FHIT: variants seen among roughly 807,000 people sequenced by gnomAD.
The protein encoded by FHIT is fragile histidine triad diadenosine triphosphatase, also known as bis(5'-adenosyl)-triphosphatase.
FHIT carries 19 observed loss-of-function variants against 17.9 expected under a neutral mutation model. The ratio of observed to expected loss-of-function variants is 1.06; its 90% CI spans 0.74 to 1.56. The LOEUF (loss-of-function observed/expected upper bound fraction) is 1.56. Among genes scored for constraint, FHIT ranks in the 40% most tolerant of loss-of-function variants. The pLI is 0.00. For synonymous variants in FHIT, 81 were observed against 69.7 expected, an observed-to-expected ratio of 1.16 and a Z score of -0.81; for missense variants, 248 against 189.2, an observed-to-expected ratio of 1.31 and a Z score of -1.82.
intron 4 of FHIT, among the ~76,000 whole-genome samples, chr3:60,576,017 T>C (rs1444110255): frequency 6.6e-6 from 1 of 152,036 alleles, no homozygotes; most frequent in Non-Finnish European, 1.5e-5. Context: ...GGAATGAGTA[T>C]ACTCACCTCC....
intron 5 of FHIT, among the ~76,000 whole-genome samples, chr3:60,174,750 C>G (rs946609489): frequency 5.3e-5 from 8 of 151,794 alleles, no homozygotes; most frequent in Non-Finnish European, 7.4e-5. Flanking sequence ...ACAATTATGT[C>G]TATCTAGTTC....
chr3:61,042,509 C>G (rs1368322004), intron 2 of FHIT, among the ~76,000 whole-genome samples: 1 of 152,074 alleles, frequency 6.6e-6, no homozygotes, highest in Non-Finnish European at 1.5e-5. Context: ...CACATATTCT[C>G]TCTAGTTCTG....
chr3:60,107,100 G>C (rs1183786027), intron 5 of FHIT, among the ~76,000 whole-genome samples: 2 of 149,532 alleles, frequency 1.3e-5, no homozygotes, highest in Admixed American at 6.7e-5. Flanking sequence ...TATTTTCCTA[G>C]GAAAAGGCTC....
intron 1 of FHIT, among the ~76,000 whole-genome samples, chr3:61,243,391 T>C (rs992211529): frequency 5.9e-5 from 9 of 152,216 alleles, no homozygotes; most frequent in African/African-American, 2.2e-4. Context: ...GGATTGTTTT[T>C]CTTTTTTCCT....
intron 5 of FHIT, among the ~76,000 whole-genome samples, chr3:60,110,364 C>T (rs1257930092): frequency 6.6e-6 from 1 of 152,072 alleles, no homozygotes; most frequent in Non-Finnish European, 1.5e-5. Context: ...CAAAGATGAA[C>T]TAAGTAATCA....
chr3:60,351,194 C>A (rs758271556), intron 5 of FHIT, among the ~76,000 whole-genome samples: 15 of 152,204 alleles, frequency 9.9e-5, no homozygotes, highest in African/African-American at 3.6e-4. Flanking sequence ...TATATAGCGA[C>A]AGCAAACTAA....
intron 8 of FHIT, among the ~76,000 whole-genome samples, chr3:59,863,055 G>A (rs1416815624): frequency 4.6e-5 from 7 of 152,240 alleles, no homozygotes; most frequent in African/African-American, 1.7e-4. Context: ...GGGACAATGT[G>A]TAGAGGAATA....
At chr3:59,989,439 C>T (rs1212601777) in intron 7 of FHIT, among the ~76,000 whole-genome samples, 2 of 151,994 alleles carry the variant, frequency 1.3e-5, no homozygotes, top group Non-Finnish European at 2.9e-5. Flanking sequence ...CTTTCACACT[C>T]AGGTTAACAT....
chr3:60,019,028 A>G (rs1228534908), intron 5 of FHIT, among the ~76,000 whole-genome samples: 1 of 152,138 alleles, frequency 6.6e-6, no homozygotes, highest in Non-Finnish European at 1.5e-5. Context: ...TTTTACTACC[A>G]TAAGTCTGTG....
At chr3:60,687,157 C>T (rs1357167159) in intron 4 of FHIT, among the ~76,000 whole-genome samples, 1 of 152,140 alleles carries the variant, frequency 6.6e-6, no homozygotes, top group Admixed American at 6.6e-5. Context: ...GCGTAAGCTC[C>T]TCCTATTTCT....
chr3:59,996,461 C>T (rs1261904834), intron 7 of FHIT, among the ~76,000 whole-genome samples: 2 of 151,924 alleles, frequency 1.3e-5, no homozygotes, highest in Non-Finnish European at 2.9e-5. Context: ...AATAGGAGGC[C>T]CCTGAAATTA....
intron 2 of FHIT, among the ~76,000 whole-genome samples, chr3:61,131,619 T>C (rs534832355): frequency 6.6e-6 from 1 of 152,356 alleles, no homozygotes; most frequent in East Asian, 1.9e-4. Flanking sequence ...AGTGGCCCAC[T>C]CTTGGCCCCA....
In FHIT at chr3:60,559,390, T is replaced by A. The variant is rs1001793803; in HGVS notation, c.-17-22411A>T. On this transcript the variant is annotated intron_variant, in intron 4 of 9. Coordinates refer to ENST00000492590, the MANE Select transcript of FHIT (RefSeq NM_002012.4). ...ACAGAGAACAAGTGAAGCATGCATTTGCTGTGGCACGCACTCTCAGTTACA... is the reference window on the plus strand; with the variant it reads ...ACAGAGAACAAGTGAAGCATGCATTAGCTGTGGCACGCACTCTCAGTTACA... Among the ~76,000 whole-genome samples, 3 of 152,224 alleles carry A rather than the reference T, an allele frequency of 2.0e-5. No individual in the cohort carries two copies. The East Asian group carries it at 5.8e-4, about 29-fold the overall frequency.
rs202107056 is a variant in FHIT at position 60,950,254 on chromosome 3, C to CA, written c.-111+91792dup. On this transcript the variant is annotated intron_variant, in intron 3 of 9. Transcript: ENST00000492590. Reference sequence around the variant, plus strand: ...AATTAAGTGGTGGAATATTTAATAACAAAAAAAGATTTGTGGTACTATTAA... The same window carrying CA: ...AATTAAGTGGTGGAATATTTAATAACAAAAAAAAGATTTGTGGTACTATTAA... Among the ~76,000 whole-genome samples the CA allele has an allele frequency of 5.9e-3, 889 of 151,956 alleles. 8 individuals are homozygous for CA. The highest frequency in any genetic ancestry group is 0.021 in the African/African-American group (856 of 41,472).
intron 2 of FHIT, among the ~76,000 whole-genome samples, chr3:61,164,063 G>A (rs182067013): frequency 6.6e-6 from 1 of 152,246 alleles, no homozygotes; most frequent in East Asian, 1.9e-4. Context: ...CTGACCAAAG[G>A]AGAAGGAAAA....
intron 5 of FHIT, among the ~76,000 whole-genome samples, chr3:60,399,734 A>T (rs1471354818): frequency 3.9e-5 from 6 of 152,150 alleles, no homozygotes; most frequent in African/African-American, 1.4e-4. Flanking sequence ...CACCATTTTC[A>T]ACAGCTGTGT....
intron 2 of FHIT, among the ~76,000 whole-genome samples, chr3:61,182,557 C>A (rs1049258064): frequency 2.0e-5 from 3 of 152,132 alleles, no homozygotes; most frequent in Non-Finnish European, 2.9e-5. Flanking sequence ...AAAATGTATT[C>A]ATTCATCTCA....
At chr3:60,308,579 C>CT (rs1228182354) in intron 5 of FHIT, among the ~76,000 whole-genome samples, 1 of 151,136 alleles carries the variant, frequency 6.6e-6, no homozygotes, top group Non-Finnish European at 1.5e-5. Flanking sequence ...TGGGTCCCCC[C>CT]CCAACAATTA....
At chr3:60,035,109 G>A (rs548113940) in intron 5 of FHIT, among the ~76,000 whole-genome samples, 26 of 152,268 alleles carry the variant, frequency 1.7e-4, no homozygotes, top group South Asian at 1.0e-3. Context: ...TGCTTATGAC[G>A]GGGAGAGTCT....
Sources: allele counts gnomAD v4.1 joint callset (sites outside exome capture counted in the v4.1 genomes callset), GRCh38; gene constraint gnomAD v4.1.1; transcripts MANE v1.5; gene names NCBI Gene and HGNC (gene_info 2026-07-23, HGNC 2026-07-21).